The following XKR4 variants were observed in gnomAD, a reference collection of about 807,000 sequenced individuals.
The protein encoded by XKR4 is XK related 4.
Under a neutral mutation model 53.9 loss-of-function variants are expected in XKR4, and 12 were observed. That is an observed-to-expected ratio of 0.22 (90% CI 0.14 to 0.36). XKR4 has a LOEUF of 0.36. XKR4 is among the 10% of genes least tolerant of loss of function. The pLI is 1.00. For synonymous variants in XKR4, 354 were observed against 362.4 expected, an observed-to-expected ratio of 0.98 and a Z score of 0.26; for missense variants, 799 against 859.5, an observed-to-expected ratio of 0.93 and a Z score of 0.88.
chr8:55,446,026 T>C (rs973217699), intron 2 of XKR4, among the ~76,000 whole-genome samples: 1 of 152,208 alleles, frequency 6.6e-6, no homozygotes, highest in Non-Finnish European at 1.5e-5. Context: ...GGCTGATTGA[T>C]GGAGTGAGCC....
In XKR4 at chr8:55,524,388, G is replaced by T; in HGVS notation, c.*161G>T. The T allele has an allele frequency of 1.4e-6, 1 of 726,962 alleles. No individual in the cohort carries two copies. Among genetic ancestry groups the T allele is most frequent in the Non-Finnish European group, 2.2e-6 (1 of 454,536 alleles). 45.0% of individuals were successfully genotyped at this position (726,962 alleles called of 1,614,324 possible). ...TGATCCTGTCGGCTGGGGGCGGCTG[G>T]TCTCCTTCCAAAGCAGCTGCACCCG... On this transcript the variant is annotated 3_prime_UTR_variant, in exon 3 of 3. Transcript: ENST00000327381.
intron 1 of XKR4, among the ~76,000 whole-genome samples, chr8:55,158,992 AC>A (rs1793782120): frequency 6.6e-6 from 1 of 152,058 alleles, no homozygotes; most frequent in African/African-American, 2.4e-5. Context: ...TGAATTTTAA[AC>A]GTTTTTTTCC....
At chr8:55,270,309 C>T (rs1818669278) in intron 1 of XKR4, among the ~76,000 whole-genome samples, 1 of 152,162 alleles carries the variant, frequency 6.6e-6, no homozygotes, top group Non-Finnish European at 1.5e-5. Flanking sequence ...TCATTGTCCC[C>T]ACCTCCCACA....
At chr8:55,417,925 T>C (rs545065334) in intron 2 of XKR4, among the ~76,000 whole-genome samples, 46 of 152,084 alleles carry the variant, frequency 3.0e-4, no homozygotes, top group Admixed American at 1.2e-3. Context: ...GGAGCTCGTG[T>C]CATTCCTATT....
At chr8:55,504,896 T>A (rs1214577012) in intron 2 of XKR4, among the ~76,000 whole-genome samples, 1 of 152,138 alleles carries the variant, frequency 6.6e-6, no homozygotes, top group African/African-American at 2.4e-5. Context: ...GTAAAATTCG[T>A]AGTGATGTCC....
chr8:55,150,136 C>T (rs1205567030), intron 1 of XKR4, among the ~76,000 whole-genome samples: 2 of 152,178 alleles, frequency 1.3e-5, no homozygotes, highest in Admixed American at 6.5e-5. Flanking sequence ...ATTATATAAA[C>T]ACCATTTCAT....
chr8:55,393,423 GAA>G lies in XKR4; in HGVS notation c.1006+35547_1006+35548del, dbSNP rs1394539440. On this transcript the variant is annotated intron_variant, in intron 2 of 2. Transcript: ENST00000327381. ...CTTAAGAAGGAAGGAAGGAAGGAAG[GAA>G]GGAAGGAAGGAAGGAAGGAAGGAAG... 3.7e-3 allele frequency among the ~76,000 whole-genome samples: 137 copies of G among 37,134 alleles called. 1 individual carries two copies. Among genetic ancestry groups the G allele is most frequent in the African/African-American group, 9.7e-3 (134 of 13,852 alleles). The allele number at this position is 37,134 out of a possible 152,430, so 24.4% of individuals were successfully genotyped here.
intron 1 of XKR4, among the ~76,000 whole-genome samples, chr8:55,264,044 A>G (rs1173489090): frequency 1.3e-5 from 2 of 152,176 alleles, no homozygotes; most frequent in Non-Finnish European, 2.9e-5. Context: ...AAAGCACTAC[A>G]TAATGTCTCC....
chr8:55,460,850 G>A (rs1805645339), intron 2 of XKR4, among the ~76,000 whole-genome samples: 1 of 152,250 alleles, frequency 6.6e-6, no homozygotes, highest in Non-Finnish European at 1.5e-5. Context: ...ACATGGCTTG[G>A]AGGTTCCTAC....
At chr8:55,457,151 T>C (rs72648068) in intron 2 of XKR4, among the ~76,000 whole-genome samples, 7 of 58,162 alleles carry the variant, frequency 1.2e-4, no homozygotes, top group Admixed American at 2.1e-4. Flanking sequence ...CTTTTCTTTT[T>C]TTTTTTTTTG....
At chr8:55,191,286 T>C (rs562447803) in intron 1 of XKR4, among the ~76,000 whole-genome samples, 1 of 152,302 alleles carries the variant, frequency 6.6e-6, no homozygotes, top group South Asian at 2.1e-4. Flanking sequence ...TGCAACCATC[T>C]TGAAATGCAT....
chr8:55,223,569 A>C (rs556804098), intron 1 of XKR4, among the ~76,000 whole-genome samples: 7 of 152,318 alleles, frequency 4.6e-5, no homozygotes, highest in African/African-American at 1.2e-4. Flanking sequence ...AAGTAGCTAA[A>C]ATTTTTCCAA....
At chr8:55,228,243 G>A (rs577619517) in intron 1 of XKR4, among the ~76,000 whole-genome samples, 31 of 152,244 alleles carry the variant, frequency 2.0e-4, no homozygotes, top group African/African-American at 7.5e-4. Flanking sequence ...GAGCTGCCAC[G>A]TGGGAACTGA....
At chr8:55,457,780 T>G (rs1422194718) in intron 2 of XKR4, among the ~76,000 whole-genome samples, 1 of 152,234 alleles carries the variant, frequency 6.6e-6, no homozygotes, top group Non-Finnish European at 1.5e-5. Flanking sequence ...TATAAAACTT[T>G]ATTGTTAAAG....
intron 2 of XKR4, chr8:55,452,577 C>A (rs182820502): frequency 1.2e-5 from 10 of 855,200 alleles, no homozygotes; most frequent in Middle Eastern, 2.3e-4. Flanking sequence ...CCGGTTCTCC[C>A]GCTGCACCGC....
In XKR4 at chr8:55,225,794, C is replaced by A. The variant is rs374090795; in HGVS notation, c.806+122500C>A. ...TTTCCTAGAGAATTTTAGAGACAGG[C>A]GCCAACCAGTGAGTGAAACTAGATA... On this transcript the variant is annotated intron_variant, in intron 1 of 2. Coordinates refer to ENST00000327381, the MANE Select transcript of XKR4 (RefSeq NM_052898.2). 2.6e-5 allele frequency among the ~76,000 whole-genome samples: 4 copies of A among 152,248 alleles called. No individual in the cohort carries two copies. The East Asian group carries it at 7.7e-4, about 29-fold the overall frequency.
intron 2 of XKR4, among the ~76,000 whole-genome samples, chr8:55,441,954 A>G (rs906697837): frequency 2.0e-5 from 3 of 152,020 alleles, no homozygotes; most frequent in African/African-American, 7.2e-5. Flanking sequence ...AAGTTAAAAT[A>G]GAAAATAATA....
intron 2 of XKR4, among the ~76,000 whole-genome samples, chr8:55,432,529 C>T (rs1038947352): frequency 3.9e-5 from 6 of 152,128 alleles, no homozygotes; most frequent in African/African-American, 9.7e-5. Flanking sequence ...GAGAGCAAGG[C>T]GGTCTTCATA....
At chr8:55,341,037 C>G (rs1803537412) in intron 1 of XKR4, among the ~76,000 whole-genome samples, 1 of 152,104 alleles carries the variant, frequency 6.6e-6, no homozygotes, top group Non-Finnish European at 1.5e-5. Context: ...ACCAATGGTA[C>G]TTTTGGAGGA....
Sources: allele counts gnomAD v4.1 joint callset (sites outside exome capture counted in the v4.1 genomes callset), GRCh38; gene constraint gnomAD v4.1.1; transcripts MANE v1.5; gene names NCBI Gene and HGNC (gene_info 2026-07-23, HGNC 2026-07-21).